The following PBRM1 variants were observed in gnomAD, a reference collection of about 807,000 sequenced individuals.
PBRM1 encodes polybromo 1, also known as protein polybromo-1.
In PBRM1, 27 loss-of-function variants were observed where a neutral mutation model predicts 194.5. That is an observed-to-expected ratio of 0.14 (90% confidence interval 0.10 to 0.19). The LOEUF (loss-of-function observed/expected upper bound fraction) is 0.19, where lower values mean the gene tolerates loss of function less well. Ranked by LOEUF, PBRM1 falls within the 10% of genes least tolerant of loss-of-function variation. The pLI, the probability that PBRM1 is intolerant of heterozygous loss-of-function variation, is 1.00. For synonymous variants in PBRM1, 655 were observed against 693.2 expected, an observed-to-expected ratio of 0.94 and a Z score of 0.87; for missense variants, 1,466 against 2,077.2, an observed-to-expected ratio of 0.71 and a Z score of 5.72.
rs764416320 is a variant in PBRM1 at position 52,609,845 on chromosome 3, G to A, written c.2035C>T (p.Arg679Cys). 1 of 1,613,200 alleles carries A rather than the reference G, an allele frequency of 6.2e-7. No individual in the cohort carries two copies. Among genetic ancestry groups the A allele is most frequent in the Non-Finnish European group, 8.5e-7 (1 of 1,179,618 alleles). ...AGCCTCAGAAATATGGCACTGAGGC[G>A]GCGACCCCTCTTATCAGTATAGTTC... Residue 679 changes from arginine to cysteine, a missense_variant, in exon 16 of 30, where the codon CGC (arginine) becomes TGC (cysteine). Physicochemically the swap from Arg to Cys is radical, Grantham distance 180. Coordinates refer to ENST00000296302, the Ensembl canonical transcript of PBRM1. This position sits in a 1 kb window ranked among gnomAD's most constrained non-coding sequence, Gnocchi z 4.1.
Position 52,644,619 on chromosome 3 carries a change from G to A in PBRM1, c.899+85C>T, listed in dbSNP as rs113534825. 2.9e-3 allele frequency: 1,656 copies of A among 569,298 alleles called. 33 individuals carry two copies. The highest frequency in any genetic ancestry group is 0.029 in the African/African-American group (1,481 of 50,972). The allele number at this position is 569,298 out of a possible 1,614,324, so 35.3% of individuals were successfully genotyped here. Reference sequence around the variant, plus strand: ...AGGATGGTCTCGATCTCTTGACCTCGTGATCCGCCCACCTCAGCCTCCCAA... The same window carrying A: ...AGGATGGTCTCGATCTCTTGACCTCATGATCCGCCCACCTCAGCCTCCCAA... On this transcript the variant is annotated intron_variant, in intron 8 of 29. Coordinates refer to ENST00000296302, the Ensembl canonical transcript of PBRM1.
intron 6 of PBRM1, among the ~76,000 whole-genome samples, chr3:52,650,971 G>C (rs1041575770): frequency 6.6e-6 from 1 of 152,172 alleles, no homozygotes; most frequent in African/African-American, 2.4e-5. Flanking sequence ...GAAACAGTAA[G>C]TGTAAGGGTT....
At position 52,653,037 on chromosome 3, in the gene PBRM1, AT is replaced by A. The variant is rs558406258; in HGVS notation, c.646-1228del. 1.3e-3 allele frequency among the ~76,000 whole-genome samples: 199 copies of A among 152,232 alleles called. 1 individual carries two copies. Among genetic ancestry groups the A allele is most frequent in the Admixed American group, 2.2e-3 (34 of 15,276 alleles). On this transcript the variant is annotated intron_variant, in intron 5 of 29. Coordinates refer to ENST00000296302, the Ensembl canonical transcript of PBRM1. ...AATTCTAAATTCACAGAATTATACA[AT>A]TTTTCATTTAAGGTCCCAAGATATC... is the stretch of plus-strand genomic sequence containing the variant.
In PBRM1 at chr3:52,609,572, G is replaced by A. The variant is rs1329110900; in HGVS notation, c.2308C>T (p.His770Tyr). 2 of 1,613,624 alleles carry A rather than the reference G, an allele frequency of 1.2e-6. No homozygotes were observed. The highest frequency in any genetic ancestry group is 1.7e-6 in the Non-Finnish European group (2 of 1,179,764). ...ATCAGCAAAGTCACATTTGGGACAT[G>A]AGAGTCCTCATCTCCCTCCAGGTCT... The change falls in exon 16 of 30, where the codon CAT becomes TAT. Residue 770 changes from histidine (H) to tyrosine (Y), a missense_variant. Physicochemically the swap from His to Tyr is moderately conservative, Grantham distance 83. This residue lies in a region of PBRM1 where 687 missense variants were observed against 946.2 expected (regional missense o/e 0.73). Coordinates refer to ENST00000296302, the Ensembl canonical transcript of PBRM1. The surrounding 1 kb of genome is among the most constrained non-coding windows in gnomAD (Gnocchi z 4.1).
intron 26 of PBRM1, among the ~76,000 whole-genome samples, chr3:52,558,036 A>G (rs1417838636): frequency 2.6e-5 from 4 of 152,286 alleles, no homozygotes; most frequent in South Asian, 4.1e-4. Flanking sequence ...GCTGCTCCCT[A>G]CCAATTACCA....
intron 13 of PBRM1, among the ~76,000 whole-genome samples, chr3:52,620,653 G>GT (rs1307600458): frequency 1.3e-5 from 2 of 152,200 alleles, no homozygotes; most frequent in African/African-American, 4.8e-5. Context: ...TCCAATGCCA[G>GT]TAATTCTGAT....
At chr3:52,559,537 C>CCTG (rs1001012862) in intron 25 of PBRM1, among the ~76,000 whole-genome samples, 5 of 152,100 alleles carry the variant, frequency 3.3e-5, no homozygotes, top group African/African-American at 1.2e-4. Context: ...AACCAGCAAC[C>CCTG]CTATGGCCCT....
chr3:52,678,613 G>A lies in PBRM1; in HGVS notation c.139-16C>T. 6.5e-7 allele frequency: 1 copy of A among 1,531,894 alleles called. No homozygotes were observed. Among genetic ancestry groups the A allele is most frequent in the Non-Finnish European group, 9.0e-7 (1 of 1,108,604 alleles). 94.9% of individuals were successfully genotyped at this position (1,531,894 alleles called of 1,614,324 possible). A position where few individuals can be genotyped will look rare whatever the true frequency, so the allele number is the denominator to read the frequency against. ...ACACGGCAATCTACACATTAGCAAAGGAGAAAAAAATCACTAAAAAAGTGA... is the reference window on the plus strand; with the variant it reads ...ACACGGCAATCTACACATTAGCAAAAGAGAAAAAAATCACTAAAAAAGTGA... On this transcript the variant is annotated splice_polypyrimidine_tract_variant and intron_variant, in intron 1 of 29. Transcript: ENST00000296302.
intron 14 of PBRM1, among the ~76,000 whole-genome samples, chr3:52,616,679 C>T (rs1264759118): frequency 2.0e-5 from 3 of 152,086 alleles, no homozygotes; most frequent in African/African-American, 4.8e-5. Flanking sequence ...GGCGACAGAG[C>T]GAGACTCCGT....
At chr3:52,618,421 T>C (rs1356103946) in intron 13 of PBRM1, among the ~76,000 whole-genome samples, 1 of 152,146 alleles carries the variant, frequency 6.6e-6, no homozygotes, top group East Asian at 1.9e-4. Flanking sequence ...AGTTTCCTAG[T>C]AAATTATTAG....
chr3:52,561,094 A>C (rs993927607), intron 25 of PBRM1, among the ~76,000 whole-genome samples: 7 of 152,002 alleles, frequency 4.6e-5, no homozygotes, highest in Non-Finnish European at 8.8e-5. Context: ...TTTAAAAAAA[A>C]CCCACAAAAA....
At chr3:52,632,247 A>T (rs895005424) in intron 11 of PBRM1, among the ~76,000 whole-genome samples, 4 of 152,188 alleles carry the variant, frequency 2.6e-5, no homozygotes, top group African/African-American at 9.6e-5. Flanking sequence ...GAGTCCAAAA[A>T]TATACTCCAT....
chr3:52,577,795 C>T (rs139868063), intron 21 of PBRM1, among the ~76,000 whole-genome samples: 3 of 152,306 alleles, frequency 2.0e-5, no homozygotes, highest in Non-Finnish European at 4.4e-5. Flanking sequence ...GATCTCCTTG[C>T]TTCTGCCTTG....
chr3:52,668,843 C>T (rs149475922), intron 2 of PBRM1, among the ~76,000 whole-genome samples, 198 bp from the exon 4 acceptor site: 30 of 150,442 alleles, frequency 2.0e-4, no homozygotes, highest in African/African-American at 7.3e-4. Flanking sequence ...AAGATGCACA[C>T]TCATTCCCTT....
chr3:52,662,417 C>A, intron 3 of PBRM1, 141 bp from the exon 5 acceptor site: 2 of 633,508 alleles, frequency 3.2e-6, no homozygotes, highest in Non-Finnish European at 5.3e-6. Context: ...TATATGGGTC[C>A]AAATCCCGCT....
chr3:52,612,258 CAAAAAAAAA>C (rs566481465), intron 15 of PBRM1, among the ~76,000 whole-genome samples: 9 of 24,012 alleles, frequency 3.7e-4, no homozygotes, highest in African/African-American at 1.3e-3. Context: ...GATTCCGTCT[CAAAAAAAAA>C]AAAAAAAAAA....
intron 15 of PBRM1, among the ~76,000 whole-genome samples, chr3:52,613,691 C>G (rs1391686300): frequency 1.3e-5 from 2 of 151,772 alleles, no homozygotes; most frequent in Admixed American, 6.6e-5. Context: ...TTAAAAAACA[C>G]AGAGAAATAA....
At chr3:52,584,690 A>C (rs2092076928) in intron 20 of PBRM1, among the ~76,000 whole-genome samples, 1 of 151,752 alleles carries the variant, frequency 6.6e-6, no homozygotes, top group African/African-American at 2.4e-5. Context: ...TCCTGGACTC[A>C]AGCGATCCAC....
intron 20 of PBRM1, among the ~76,000 whole-genome samples, chr3:52,582,401 A>C (rs1238577700): frequency 1.3e-5 from 2 of 148,508 alleles, no homozygotes; most frequent in Non-Finnish European, 3.0e-5. Flanking sequence ...GCTGACTTCC[A>C]TTGATAATTC....
Sources: gnomAD v4.1 joint callset for allele counts (sites outside exome capture counted in the v4.1 genomes callset) on GRCh38, gnomAD v4.1.1 for gene constraint, gnomAD v4.1.1 regional missense constraint, Gnocchi (gnomAD v3.1) non-coding constraint, MANE v1.5 for transcripts, NCBI Gene and HGNC (gene_info 2026-07-23, HGNC 2026-07-21) for gene names.